The following WDR64 variants were observed in gnomAD, a reference collection of about 807,000 sequenced individuals.
WDR64 encodes the protein WD repeat-containing protein 64.
WDR64 carries 112 observed loss-of-function variants against 139.3 expected under a neutral mutation model. The observed-to-expected ratio is 0.80, with a 90% CI of 0.69 to 0.94. WDR64 has a LOEUF of 0.94. Among genes scored for constraint, WDR64 ranks in the 40% least tolerant of loss-of-function variants. The pLI, the probability that WDR64 is intolerant of heterozygous loss-of-function variation, is 0.00. For missense variants in WDR64, 1,206 were observed against 1,293.1 expected (o/e 0.93, Z 1.03); for synonymous variants, 444 against 437.7 (o/e 1.01, Z -0.18).
rs1658670441 is a variant in WDR64 at position 241,776,803 on chromosome 1, G to A, written c.2536+1593G>A. The stretch of plus-strand genomic sequence containing the variant: ...TTGAAACTATAGAATTCCCAGCACC[G>A]ACCTCTATTAGGGTTAGTCCTCTCT... On this transcript the variant is annotated intron_variant, in intron 21 of 27. Transcript: ENST00000437684. 2.0e-5 allele frequency among the ~76,000 whole-genome samples: 3 copies of A among 152,078 alleles called. No homozygotes were observed. The South Asian group carries it at 6.2e-4, about 32-fold the overall frequency.
intron 9 of WDR64, among the ~76,000 whole-genome samples, chr1:241,720,287 A>G (rs1668557784): frequency 6.6e-6 from 1 of 152,218 alleles, no homozygotes. Flanking sequence ...TCTTTATAAT[A>G]GAATGATTTG....
intron 13 of WDR64, among the ~76,000 whole-genome samples, chr1:241,746,217 C>T (rs1669749282): frequency 6.6e-6 from 1 of 151,910 alleles, no homozygotes; most frequent in Admixed American, 6.6e-5. Context: ...GCAGTGAAAA[C>T]ACTCTGGGTG....
intron 13 of WDR64, among the ~76,000 whole-genome samples, chr1:241,748,872 G>A (rs965714073): frequency 3.3e-5 from 5 of 150,420 alleles, no homozygotes; most frequent in Admixed American, 6.6e-5. Context: ...CCCAGGAGGC[G>A]GAGCTTGCAG....
chr1:241,786,514 T>C (rs964973071), intron 23 of WDR64, among the ~76,000 whole-genome samples: 12 of 152,226 alleles, frequency 7.9e-5, no homozygotes, highest in Non-Finnish European at 1.8e-4. Context: ...AGTGAAGTGA[T>C]AGTGAAACAA....
chr1:241,794,504 G>GCTTTTTT (rs780489411), intron 25 of WDR64, among the ~76,000 whole-genome samples: 7 of 81,482 alleles, frequency 8.6e-5, no homozygotes, highest in African/African-American at 2.2e-4. Context: ...AAGCTTTACT[G>GCTTTTTT]TTTTTTTTTT....
Position 241,744,380 on chromosome 1 carries a change from T to C in WDR64, c.1471-13T>C, listed in dbSNP as rs1178691145. ...TCAAACGGATTACTTGATATTTTCG[T>C]TCTTTCCCATAGGTATGGGAACTCG... On this transcript the variant is annotated splice_polypyrimidine_tract_variant and intron_variant, in intron 12 of 27. Transcript: ENST00000437684. 3.7e-6 allele frequency: 6 copies of C among 1,613,130 alleles called. No individual in the cohort carries two copies. The highest frequency in any genetic ancestry group is 1.3e-5 in the African/African-American group (1 of 74,930).
chr1:241,741,179 G>A (rs1669525557), intron 11 of WDR64, among the ~76,000 whole-genome samples: 1 of 152,160 alleles, frequency 6.6e-6, no homozygotes, highest in Non-Finnish European at 1.5e-5. Flanking sequence ...AGATGGAGAG[G>A]CATGCTGCAG....
intron 4 of WDR64, among the ~76,000 whole-genome samples, chr1:241,675,517 G>T (rs1666517868): frequency 6.6e-6 from 1 of 152,220 alleles, no homozygotes; most frequent in South Asian, 2.1e-4. Context: ...GAACCATGTG[G>T]CATCAACACA....
In WDR64 at chr1:241,671,088, C is replaced by G; in HGVS notation, c.291C>G (p.Phe97Leu). 1 of 1,548,776 alleles carries G rather than the reference C, an allele frequency of 6.5e-7. No individual in the cohort carries two copies. Among genetic ancestry groups the G allele is most frequent in the Non-Finnish European group, 8.7e-7 (1 of 1,145,924 alleles). The change falls in exon 3 of 28, where the codon TTC becomes TTG. Residue 97 changes from phenylalanine to leucine, a missense_variant. Transcript: ENST00000437684. Reference sequence around the variant, plus strand: ...TGGGATTTCAGATCTTTGGATACTTCTCCTCTGAAGAAGATCCTATTGCTT... The same window carrying G: ...TGGGATTTCAGATCTTTGGATACTTGTCCTCTGAAGAAGATCCTATTGCTT... ...SADWCEIFGY[F>L]SSEEDPIASQ...
chr1:241,736,433 A>C (rs1486605893), intron 10 of WDR64, among the ~76,000 whole-genome samples: 1 of 150,980 alleles, frequency 6.6e-6, no homozygotes, highest in African/African-American at 2.4e-5. Context: ...AAAAAAAAAA[A>C]GAGTAGGAGT....
At chr1:241,731,649 G>A (rs1426298843) in intron 10 of WDR64, among the ~76,000 whole-genome samples, 2 of 152,272 alleles carry the variant, frequency 1.3e-5, no homozygotes, top group Non-Finnish European at 2.9e-5. Context: ...GTGGTAGGTG[G>A]GGAGGAGGAC....
intron 14 of WDR64, among the ~76,000 whole-genome samples, chr1:241,754,766 T>C (rs1670116653): frequency 6.9e-6 from 1 of 144,274 alleles, no homozygotes; most frequent in Non-Finnish European, 1.5e-5. Flanking sequence ...TTCCCCTCCC[T>C]GTGTCTGTGT....
At chr1:241,712,363 C>G (rs777177071) in intron 9 of WDR64, among the ~76,000 whole-genome samples, 1 of 152,002 alleles carries the variant, frequency 6.6e-6, no homozygotes, top group Non-Finnish European at 1.5e-5. Flanking sequence ...TTGAAGAATA[C>G]CAACATTTAA....
chr1:241,772,960 G>T, intron 20 of WDR64, 29 bp downstream of exon 20: 1 of 1,526,966 alleles, frequency 6.5e-7, no homozygotes, highest in Non-Finnish European at 8.8e-7. Flanking sequence ...TCTGGGAATA[G>T]GAAAGAATGG....
chr1:241,655,120 C>T (rs1273333580), intron 1 of WDR64, among the ~76,000 whole-genome samples: 1 of 152,204 alleles, frequency 6.6e-6, no homozygotes, highest in Non-Finnish European at 1.5e-5. Context: ...CGCGGTGGCT[C>T]ACGCCTATAA....
At chr1:241,783,603 AG>A (rs1658927237) in intron 23 of WDR64, among the ~76,000 whole-genome samples, 1 of 152,246 alleles carries the variant, frequency 6.6e-6, no homozygotes, top group African/African-American at 2.4e-5. Context: ...CTATATTAAA[AG>A]GTATCACAAA....
Position 241,744,485 on chromosome 1 carries a change from T to C in WDR64, c.1563T>C (p.Ser521=). 6.2e-7 allele frequency: 1 copy of C among 1,614,168 alleles called. No homozygotes were observed. Among genetic ancestry groups the C allele is most frequent in the Non-Finnish European group, 8.5e-7 (1 of 1,179,996 alleles). The change falls in exon 13 of 28, where the codon AGT becomes AGC. Residue 521 remains serine, a synonymous_variant. Transcript: ENST00000437684. ...TEVTSAAVDE[S]GFLFATGAYN... ...TGACTTCTGCAGCTGTCGATGAAAGTGGATTTCTTTTTGCCACAGGAGCGT... is the reference window on the plus strand; with the variant it reads ...TGACTTCTGCAGCTGTCGATGAAAGCGGATTTCTTTTTGCCACAGGAGCGT...
intron 20 of WDR64, among the ~76,000 whole-genome samples, chr1:241,774,723 A>G (rs1333210208): frequency 6.6e-6 from 1 of 152,202 alleles, no homozygotes; most frequent in African/African-American, 2.4e-5. Flanking sequence ...TTTAAAAAGA[A>G]AATATGTCAA....
intron 4 of WDR64, chr1:241,677,279 C>T (rs923830837): frequency 1.3e-5 from 5 of 398,250 alleles, no homozygotes; most frequent in African/African-American, 8.2e-5. Flanking sequence ...ACAGAAACCA[C>T]AGGTGTTCTG....
Sources: gnomAD v4.1 joint callset for allele counts (sites outside exome capture counted in the v4.1 genomes callset) on GRCh38, gnomAD v4.1.1 for gene constraint, MANE v1.5 for transcripts, NCBI Gene and HGNC (gene_info 2026-07-23, HGNC 2026-07-21) for gene names.